The following FSTL4 variants were observed in gnomAD, a reference collection of about 807,000 sequenced individuals.
FSTL4 encodes follistatin-related protein 4.
A neutral mutation model predicts 78.2 loss-of-function variants in FSTL4; 28 were observed. That is an observed-to-expected ratio of 0.36 (90% CI 0.27 to 0.49). FSTL4 has a LOEUF of 0.49. FSTL4 is among the 20% of genes least tolerant of loss of function. The pLI, the probability that FSTL4 is intolerant of heterozygous loss-of-function variation, is 0.98. For missense variants in FSTL4, 922 were observed against 1,084.9 expected, an observed-to-expected ratio of 0.85 and a Z score of 2.11; for synonymous variants, 422 against 440.5, an observed-to-expected ratio of 0.96 and a Z score of 0.53.
At chr5:133,486,466 G>A (rs148682148) in intron 3 of FSTL4, among the ~76,000 whole-genome samples, 1,577 of 152,178 alleles carry the variant, frequency 0.01, 36 homozygotes, top group African/African-American at 0.036. Flanking sequence ...TGCAGCAGGC[G>A]TTCCCTCTCC....
the FSTL4 span, among the ~76,000 whole-genome samples, chr5:133,677,361 G>A: frequency 6.6e-6 from 1 of 152,176 alleles, no homozygotes; most frequent in Non-Finnish European, 1.5e-5. Flanking sequence ...CCCCTGCATG[G>A]ATGTGGATAT....
Position 133,201,923 on chromosome 5 carries a change from C to T in FSTL4, c.1826+10G>A. On this transcript the variant is annotated intron_variant, in intron 15 of 15. Transcript: ENST00000265342. ...GGGAGTGCCTTAGAGGCATCATGGG[C>T]CAGTCTCACCTGATGTGGTTGATGA... 2 of 1,518,172 alleles carry T rather than the reference C, an allele frequency of 1.3e-6. No homozygotes were observed. Among genetic ancestry groups the T allele is most frequent in the Non-Finnish European group, 1.8e-6 (2 of 1,101,488 alleles). The allele number at this position is 1,518,172 out of a possible 1,614,324, so 94.0% of individuals were successfully genotyped here. A position where few individuals can be genotyped will look rare whatever the true frequency, so the allele number is the denominator to read the frequency against.
the FSTL4 span, among the ~76,000 whole-genome samples, chr5:133,687,481 T>C: frequency 1.3e-5 from 2 of 152,254 alleles, no homozygotes; most frequent in African/African-American, 4.8e-5. Context: ...GGTAGTGATA[T>C]TCCAACACAG....
chr5:133,693,945 T>C, the FSTL4 span, among the ~76,000 whole-genome samples: 1 of 152,142 alleles, frequency 6.6e-6, no homozygotes, highest in Non-Finnish European at 1.5e-5. Flanking sequence ...CCCCATTCAG[T>C]CCATAGACTC....
At chr5:133,204,022 C>G (rs1750413855) in intron 14 of FSTL4, among the ~76,000 whole-genome samples, 1 of 152,166 alleles carries the variant, frequency 6.6e-6, no homozygotes, top group Non-Finnish European at 1.5e-5. Flanking sequence ...GGGCTTGGTA[C>G]AGGAGATGCA....
intron 3 of FSTL4, among the ~76,000 whole-genome samples, chr5:133,514,670 A>G (rs1231924648): frequency 6.6e-6 from 1 of 152,224 alleles, no homozygotes; most frequent in African/African-American, 2.4e-5. Context: ...AAAAAATGGT[A>G]AGAAATCGAT....
intron 3 of FSTL4, among the ~76,000 whole-genome samples, chr5:133,514,828 T>C (rs1277025672): frequency 1.3e-5 from 2 of 152,174 alleles, no homozygotes; most frequent in Non-Finnish European, 2.9e-5. Flanking sequence ...GAATACAAAA[T>C]ACTGGAAGAT....
intron 2 of FSTL4, among the ~76,000 whole-genome samples, chr5:133,590,810 G>A (rs1760607309): frequency 6.6e-6 from 1 of 152,134 alleles, no homozygotes; most frequent in Admixed American, 6.6e-5. Context: ...TCACAGTTCT[G>A]GAGTCTGGGA....
At chr5:133,498,168 AC>A (rs1166613179) in intron 3 of FSTL4, among the ~76,000 whole-genome samples, 1 of 152,184 alleles carries the variant, frequency 6.6e-6, no homozygotes, top group Non-Finnish European at 1.5e-5. Context: ...CAGGTGCCTC[AC>A]CGCACGGTGA....
the FSTL4 span, among the ~76,000 whole-genome samples, chr5:133,744,266 C>G: frequency 1.3e-5 from 2 of 152,228 alleles, no homozygotes; most frequent in African/African-American, 2.4e-5. Flanking sequence ...ACCGTTGAAA[C>G]TACTGTGTTT....
At chr5:133,525,371 G>T (rs1279080627) in intron 3 of FSTL4, among the ~76,000 whole-genome samples, 1 of 152,186 alleles carries the variant, frequency 6.6e-6, no homozygotes, top group Non-Finnish European at 1.5e-5. Flanking sequence ...CCACTCAAAG[G>T]CAGCTTCTTT....
chr5:133,437,466 T>C (rs1757058015), intron 3 of FSTL4, among the ~76,000 whole-genome samples: 1 of 150,426 alleles, frequency 6.6e-6, no homozygotes, highest in Non-Finnish European at 1.5e-5. Flanking sequence ...AAACTGTATA[T>C]AGTATATAGT....
chr5:133,359,529 G>A (rs554599617), intron 4 of FSTL4, among the ~76,000 whole-genome samples: 25 of 152,238 alleles, frequency 1.6e-4, no homozygotes, highest in Non-Finnish European at 3.2e-4. Flanking sequence ...TGGCAGGGCA[G>A]TGATGGGGGG....
At chr5:133,620,886 A>G in the FSTL4 span, among the ~76,000 whole-genome samples, 1 of 152,216 alleles carries the variant, frequency 6.6e-6, no homozygotes, top group African/African-American at 2.4e-5. Context: ...TCCTTAAAGA[A>G]CTAAAAGTAG....
At chr5:133,835,790 A>T in the FSTL4 span, among the ~76,000 whole-genome samples, 1 of 152,234 alleles carries the variant, frequency 6.6e-6, no homozygotes, top group Non-Finnish European at 1.5e-5. Flanking sequence ...GGAAAACTCT[A>T]TTAACTTGAA....
At chr5:133,390,374 G>C (rs970178746) in intron 4 of FSTL4, among the ~76,000 whole-genome samples, 8 of 152,262 alleles carry the variant, frequency 5.3e-5, no homozygotes, top group Non-Finnish European at 1.2e-4. Context: ...GAAAAGCAGA[G>C]GGAAGAACTC....
chr5:133,650,230 G>A, the FSTL4 span, among the ~76,000 whole-genome samples: 1 of 152,146 alleles, frequency 6.6e-6, no homozygotes, highest in South Asian at 2.1e-4. Context: ...ACCTCCCATG[G>A]GCCCCATCCC....
intron 3 of FSTL4, among the ~76,000 whole-genome samples, chr5:133,485,179 A>G (rs535564023): frequency 1.6e-4 from 24 of 152,254 alleles, no homozygotes; most frequent in Non-Finnish European, 3.1e-4. Context: ...AGTTTCTTTC[A>G]ATGGCCACAA....
intron 3 of FSTL4, among the ~76,000 whole-genome samples, chr5:133,561,731 T>C (rs1464462958): frequency 6.6e-6 from 1 of 152,192 alleles, no homozygotes; most frequent in African/African-American, 2.4e-5. Context: ...ACTGATGGTT[T>C]GTACTATTAC....
Sources: gnomAD v4.1 joint callset for allele counts (sites outside exome capture counted in the v4.1 genomes callset) on GRCh38, gnomAD v4.1.1 for gene constraint, MANE v1.5 for transcripts, NCBI Gene and HGNC (gene_info 2026-07-23, HGNC 2026-07-21) for gene names.